The following GLG1 variants were observed in gnomAD, a reference collection of about 807,000 sequenced individuals.
GLG1 encodes Golgi apparatus protein 1.
In GLG1, 38 loss-of-function variants were observed where a neutral mutation model predicts 160.5. The ratio of observed to expected loss-of-function variants is 0.24; its 90% confidence interval spans 0.18 to 0.31. GLG1 has a LOEUF of 0.31. Ranked by LOEUF, GLG1 falls within the 10% of genes least tolerant of loss-of-function variation. GLG1 has a pLI of 1.00. For synonymous variants in GLG1, 644 were observed against 543.4 expected, an observed-to-expected ratio of 1.19 and a Z score of -2.57; for missense variants, 1,373 against 1,505.2, an observed-to-expected ratio of 0.91 and a Z score of 1.45.
At chr16:74,457,845 C>G (rs750792894) in intron 24 of GLG1, 29 bp downstream of exon 24, 1 of 1,608,802 alleles carries the variant, frequency 6.2e-7, no homozygotes, top group African/African-American at 1.3e-5. Flanking sequence ...AGAGTTCAGA[C>G]AGGATCAAGA....
chr16:74,542,860 T>C (rs971532136), intron 1 of GLG1, among the ~76,000 whole-genome samples: 1 of 151,640 alleles, frequency 6.6e-6, no homozygotes, highest in African/African-American at 2.4e-5. Context: ...CCATTAATGT[T>C]TACAACCAGT....
chr16:74,465,572 G>A (rs1207630837), intron 19 of GLG1, 104 bp downstream of exon 19: 20 of 1,174,658 alleles, frequency 1.7e-5, no homozygotes, highest in Non-Finnish European at 2.4e-5. Context: ...GCTCGTCTAG[G>A]GACCACACTT....
chr16:74,528,568 T>C (rs2017416642), intron 2 of GLG1, among the ~76,000 whole-genome samples: 1 of 151,840 alleles, frequency 6.6e-6, no homozygotes, highest in African/African-American at 2.4e-5. Context: ...TCCCAGTACT[T>C]TGGCAAGTCG....
intron 1 of GLG1, among the ~76,000 whole-genome samples, chr16:74,540,024 A>T (rs58249779): frequency 0.051 from 230 of 4,508 alleles, 96 homozygotes; most frequent in African/African-American, 0.086. Context: ...ATATATATAT[A>T]TTATATATAT....
At chr16:74,520,672 T>A (rs879398562) in intron 2 of GLG1, among the ~76,000 whole-genome samples, 1 of 152,042 alleles carries the variant, frequency 6.6e-6, no homozygotes, top group Non-Finnish European at 1.5e-5. Context: ...TATGCATGAG[T>A]CATAAATGTT....
chr16:74,468,896 C>A, intron 17 of GLG1, 50 bp downstream of exon 17: 1 of 1,171,904 alleles, frequency 8.5e-7, no homozygotes, highest in South Asian at 1.2e-5. Flanking sequence ...CCCAGCTTTC[C>A]AAGCCCTGGC....
At chr16:74,459,620 A>C (rs1472102953) in intron 23 of GLG1, 62 bp downstream of exon 23, 3 of 864,312 alleles carry the variant, frequency 3.5e-6, no homozygotes, top group Admixed American at 4.8e-5. Flanking sequence ...TACAGCATTA[A>C]AAGGAAGAAG....
At chr16:74,481,384 A>T (rs956259072) in intron 10 of GLG1, among the ~76,000 whole-genome samples, 3 of 152,204 alleles carry the variant, frequency 2.0e-5, no homozygotes, top group African/African-American at 7.2e-5. Flanking sequence ...ACTTTGGTAG[A>T]TGGCTAGTTA....
At chr16:74,580,338 A>C (rs992674876) in intron 1 of GLG1, among the ~76,000 whole-genome samples, 1 of 151,980 alleles carries the variant, frequency 6.6e-6, no homozygotes, top group African/African-American at 2.4e-5. Context: ...AACTAAAAAA[A>C]AACCAAACAA....
intron 1 of GLG1, among the ~76,000 whole-genome samples, chr16:74,543,591 T>C (rs1189424990): frequency 2.6e-5 from 4 of 152,160 alleles, no homozygotes; most frequent in Non-Finnish European, 5.9e-5. Context: ...TTAGATAACA[T>C]CATTCTACAG....
chr16:74,520,071 T>C (rs1219154406), intron 2 of GLG1, among the ~76,000 whole-genome samples: 6 of 152,244 alleles, frequency 3.9e-5, no homozygotes, highest in Non-Finnish European at 8.8e-5. Flanking sequence ...ACACCCATTA[T>C]TAATTAATCC....
chr16:74,592,612 A>T (rs1480544052), intron 1 of GLG1, among the ~76,000 whole-genome samples: 1 of 152,160 alleles, frequency 6.6e-6, no homozygotes, highest in African/African-American at 2.4e-5. Context: ...ACCATTTATA[A>T]ATAAGAAAAC....
In GLG1 at chr16:74,550,482, T is replaced by C. The variant is rs867715028; in HGVS notation, c.439-18329A>G. Reference sequence around the variant, plus strand: ...TCCTAAAGTAACAGCAGTCATACCATATGGTGTGGCTTTCATTGGCATGGG... The same window carrying C: ...TCCTAAAGTAACAGCAGTCATACCACATGGTGTGGCTTTCATTGGCATGGG... On this transcript the variant is annotated intron_variant, in intron 1 of 25. Transcript: ENST00000422840. Among the ~76,000 whole-genome samples the C allele has an allele frequency of 2.0e-4, 30 of 152,198 alleles. No individual in the cohort carries two copies. The Middle Eastern group carries it at 0.02, about 104-fold the overall frequency.
At chr16:74,563,019 T>G (rs944122627) in intron 1 of GLG1, 2 of 152,186 alleles carry the variant, frequency 1.3e-5, no homozygotes, top group South Asian at 4.1e-4. Flanking sequence ...AGAAAAGGTT[T>G]TCCCCCAGAA....
intron 2 of GLG1, among the ~76,000 whole-genome samples, chr16:74,529,105 T>C (rs1036754824): frequency 1.8e-4 from 27 of 151,846 alleles, no homozygotes; most frequent in African/African-American, 5.6e-4. Context: ...TAGCTGGGAT[T>C]ACAGGCACCT....
At position 74,606,706 on chromosome 16, in the gene GLG1, G is replaced by C. The variant is rs773001663; in HGVS notation, c.389C>G (p.Thr130Ser). 1.1e-5 allele frequency: 17 copies of C among 1,609,382 alleles called. No individual in the cohort carries two copies. The highest frequency in any genetic ancestry group is 1.4e-5 in the Non-Finnish European group (17 of 1,176,976). Reference sequence around the variant, plus strand: ...GAGCACCGCCAGGTTGTTGCTCCAGGTGTGCTTAGGGCACACGCGGGTCAC... The same window carrying C: ...GAGCACCGCCAGGTTGTTGCTCCAGCTGTGCTTAGGGCACACGCGGGTCAC... Reference protein sequence around the residue: ...EDVTRVCPKHTWSNNLAVLEC... With the variant: ...EDVTRVCPKHSWSNNLAVLEC... Residue 130 changes from threonine (T) to serine (S), a missense_variant, in exon 1 of 26, where the codon ACC (threonine) becomes AGC (serine). Thr to Ser is a moderately conservative substitution (Grantham distance 58). This residue lies in a region of GLG1 where 322 missense variants were observed against 254.6 expected (regional missense o/e 1.26). Transcript: ENST00000422840.
At chr16:74,554,139 A>G (rs2018284341) in intron 1 of GLG1, among the ~76,000 whole-genome samples, 1 of 152,220 alleles carries the variant, frequency 6.6e-6, no homozygotes, top group Non-Finnish European at 1.5e-5. Flanking sequence ...CTTTCGCACA[A>G]AATCAGTCAG....
At chr16:74,576,651 T>C (rs996384825) in intron 1 of GLG1, among the ~76,000 whole-genome samples, 4 of 152,174 alleles carry the variant, frequency 2.6e-5, no homozygotes, top group Non-Finnish European at 4.4e-5. Flanking sequence ...GTCTGAGATA[T>C]AAATGGGGCA....
In GLG1 at chr16:74,450,400, C is replaced by T. The variant is rs958758265; in HGVS notation, c.*2767G>A. On this transcript the variant is annotated 3_prime_UTR_variant, in exon 26 of 26. Transcript: ENST00000422840. ...TGCGGCCAGTTCAGACTTTGCTGGC[C>T]TTGGCACTTAGAAAAACTTGCTCGG... 2 of 152,204 alleles carry T rather than the reference C, an allele frequency of 1.3e-5. No individual in the cohort carries two copies. Among genetic ancestry groups the T allele is most frequent in the Admixed American group, 1.3e-4 (2 of 15,278 alleles). 9.4% of individuals were successfully genotyped at this position (152,204 alleles called of 1,614,324 possible).
Sources: gnomAD v4.1 joint callset for allele counts (sites outside exome capture counted in the v4.1 genomes callset) on GRCh38, gnomAD v4.1.1 for gene constraint, gnomAD v4.1.1 regional missense constraint, MANE v1.5 for transcripts, NCBI Gene and HGNC (gene_info 2026-07-23, HGNC 2026-07-21) for gene names.